MAF: variants seen among roughly 807,000 people sequenced by gnomAD.
The protein encoded by MAF is MAF bZIP transcription factor.
Under a neutral mutation model 22.0 loss-of-function variants are expected in MAF, and 10 were observed. The ratio of observed to expected loss-of-function variants is 0.45; its 90% CI spans 0.28 to 0.77. The LOEUF (loss-of-function observed/expected upper bound fraction) is 0.77, where lower values mean the gene tolerates loss of function less well. Ranked by LOEUF, MAF falls within the 30% of genes least tolerant of loss-of-function variation. MAF has a pLI of 0.12. For synonymous variants in MAF, 337 were observed against 255.8 expected (o/e 1.32, Z -3.03); for missense variants, 544 against 548.4 (o/e 0.99, Z 0.08).
At chr16:79,409,622 C>G in the MAF span, among the ~76,000 whole-genome samples, 1 of 152,196 alleles carries the variant, frequency 6.6e-6, no homozygotes, top group Non-Finnish European at 1.5e-5. Flanking sequence ...CTCAGCCAAA[C>G]CCAGCTCACT....
the MAF span, among the ~76,000 whole-genome samples, chr16:79,284,633 T>A: frequency 1.3e-5 from 2 of 152,222 alleles, no homozygotes; most frequent in African/African-American, 2.4e-5. Flanking sequence ...ATGTTAGTCA[T>A]AAAACAAGGG....
the MAF span, among the ~76,000 whole-genome samples, chr16:79,485,149 A>G: frequency 6.6e-6 from 1 of 152,218 alleles, no homozygotes; most frequent in East Asian, 1.9e-4. Flanking sequence ...CTCCAGGAAC[A>G]GTGATCTCTT....
At chr16:79,538,852 AAAG>A in the MAF span, among the ~76,000 whole-genome samples, 1 of 31,708 alleles carries the variant, frequency 3.2e-5, no homozygotes, top group Non-Finnish European at 6.7e-5. Context: ...GAAAGAAAGA[AAAG>A]AAAAGAAAAG....
chr16:79,457,031 T>C, the MAF span, among the ~76,000 whole-genome samples: 3 of 152,134 alleles, frequency 2.0e-5, no homozygotes, highest in Admixed American at 6.5e-5. Context: ...TGTAACCTTG[T>C]AGGGACTCAT....
chr16:79,419,411 T>A, the MAF span, among the ~76,000 whole-genome samples: 7 of 152,204 alleles, frequency 4.6e-5, no homozygotes, highest in South Asian at 1.4e-3. Context: ...AAGTGGAAAT[T>A]TCTGCTAGAA....
At chr16:79,360,108 G>A in the MAF span, among the ~76,000 whole-genome samples, 686 of 152,276 alleles carry the variant, frequency 4.5e-3, 6 homozygotes, top group African/African-American at 0.016. Context: ...AACACAGGGA[G>A]CTGTCCATGA....
the MAF span, among the ~76,000 whole-genome samples, chr16:79,426,160 C>G: frequency 4.6e-5 from 7 of 151,410 alleles, no homozygotes; most frequent in Non-Finnish European, 1.0e-4. Flanking sequence ...GAGCCGAGAT[C>G]GTGCCACTGC....
the MAF span, among the ~76,000 whole-genome samples, chr16:79,482,523 G>A: frequency 8.0e-4 from 122 of 152,158 alleles, 1 homozygote; most frequent in Non-Finnish European, 1.5e-3. Flanking sequence ...ATAAGAAGGA[G>A]CACAATCTGA....
the MAF span, among the ~76,000 whole-genome samples, chr16:79,524,174 T>A: frequency 6.6e-6 from 1 of 152,212 alleles, no homozygotes; most frequent in Non-Finnish European, 1.5e-5. Flanking sequence ...CTCTGATCCC[T>A]GTTCGGGTCA....
At chr16:79,255,617 C>T in the MAF span, among the ~76,000 whole-genome samples, 1 of 152,204 alleles carries the variant, frequency 6.6e-6, no homozygotes. Flanking sequence ...TCACAGACAA[C>T]CCCTTCTAAA....
chr16:79,236,944 G>A, the MAF span, among the ~76,000 whole-genome samples: 19 of 140,656 alleles, frequency 1.4e-4, no homozygotes, highest in South Asian at 2.3e-4. Flanking sequence ...ATAAATCTCG[G>A]AAAAAAAAAA....
chr16:79,441,871 G>T, the MAF span, among the ~76,000 whole-genome samples: 1 of 152,218 alleles, frequency 6.6e-6, no homozygotes, highest in Non-Finnish European at 1.5e-5. Flanking sequence ...AAATTATCCT[G>T]AATTTAGGGT....
the MAF span, among the ~76,000 whole-genome samples, chr16:79,353,962 A>G: frequency 6.6e-6 from 1 of 152,048 alleles, no homozygotes; most frequent in African/African-American, 2.4e-5. Context: ...ACCAGAGATA[A>G]GTGGGGTAGA....
chr16:79,343,585 G>A, the MAF span, among the ~76,000 whole-genome samples: 4 of 152,270 alleles, frequency 2.6e-5, no homozygotes, highest in South Asian at 2.1e-4. Flanking sequence ...CAGTGATATC[G>A]ATACTTTCCT....
At chr16:79,590,517 C>G (rs1338853747), downstream of MAF, among the ~76,000 whole-genome samples, 2 of 152,114 alleles carry the variant, frequency 1.3e-5, no homozygotes, top group Non-Finnish European at 2.9e-5. Context: ...CCTGGATGAC[C>G]AGGCATGGAA....
chr16:79,326,917 A>T, the MAF span, among the ~76,000 whole-genome samples: 2 of 152,194 alleles, frequency 1.3e-5, no homozygotes, highest in African/African-American at 4.8e-5. Context: ...AGAGAAACGC[A>T]GATGAAGGAT....
chr16:79,494,666 TAGG>T, the MAF span, among the ~76,000 whole-genome samples: 1 of 152,128 alleles, frequency 6.6e-6, no homozygotes, highest in Admixed American at 6.5e-5. Context: ...ACCAAATGTG[TAGG>T]AGTTTTCCCA....
At chr16:79,392,017 A>G in the MAF span, among the ~76,000 whole-genome samples, 6 of 149,498 alleles carry the variant, frequency 4.0e-5, no homozygotes, top group African/African-American at 1.5e-4. Context: ...AGAGTAAGGA[A>G]AGAGAGAGAG....
the MAF span, among the ~76,000 whole-genome samples, chr16:79,265,819 G>A: frequency 1.5e-3 from 224 of 152,236 alleles, no homozygotes; most frequent in African/African-American, 5.2e-3. Context: ...CTCGACTCTA[G>A]TTCTTTGGGG....
Sources: gnomAD v4.1 joint callset for allele counts (sites outside exome capture counted in the v4.1 genomes callset) on GRCh38, gnomAD v4.1.1 for gene constraint, MANE v1.5 for transcripts, NCBI Gene and HGNC (gene_info 2026-07-23, HGNC 2026-07-21) for gene names.